Variants in HERC1 observed in about 807,000 individuals in gnomAD.
The protein encoded by HERC1 is probable E3 ubiquitin-protein ligase HERC1.
In HERC1, 160 loss-of-function variants were observed where a neutral mutation model predicts 554.3. The observed-to-expected ratio is 0.29, with a 90% CI of 0.25 to 0.33. The LOEUF (loss-of-function observed/expected upper bound fraction) is 0.33. Ranked by LOEUF, HERC1 falls within the 10% of genes least tolerant of loss-of-function variation. HERC1 has a pLI of 1.00. For synonymous variants in HERC1, 2,175 were observed against 2,131.7 expected (o/e 1.02, Z -0.56); for missense variants, 4,919 against 5,918.5 (o/e 0.83, Z 5.54).
At chr15:63,783,427 T>G in intron 1 of HERC1, among the ~76,000 whole-genome samples, 1 of 152,350 alleles carries the variant, frequency 6.6e-6, no homozygotes. Context: ...AAGTATTTTT[T>G]AATTAAGGTA....
Position 63,694,646 on chromosome 15 carries a change from A to G in HERC1, c.5243-97T>C. On this transcript the variant is annotated intron_variant, in intron 28 of 77. Coordinates refer to ENST00000443617, the MANE Select transcript of HERC1 (RefSeq NM_003922.4). The surrounding 1 kb of genome is among the most constrained non-coding windows in gnomAD (Gnocchi z 4.3). ...TAAAATATTAATAACATGAAACACT[A>G]AATTATTTATTCTTTACCTATAAGT... The G allele has an allele frequency of 6.3e-6, 9 of 1,435,184 alleles. No individual in the cohort carries two copies. Among genetic ancestry groups the G allele is most frequent in the South Asian group, 1.2e-5 (1 of 82,584 alleles). The allele number at this position is 1,435,184 out of a possible 1,614,324, so 88.9% of individuals were successfully genotyped here.
intron 48 of HERC1, 86 bp downstream of exon 48, chr15:63,658,458 A>G: frequency 8.6e-7 from 1 of 1,167,948 alleles, no homozygotes; most frequent in Non-Finnish European, 1.2e-6. Context: ...CTAAAATTCT[A>G]TCTCACCCTC....
chr15:63,810,311 TAC>T (rs1567150833), intron 1 of HERC1, among the ~76,000 whole-genome samples: 5 of 152,144 alleles, frequency 3.3e-5, no homozygotes, highest in Non-Finnish European at 4.4e-5. Context: ...ATGTGGTGTA[TAC>T]ACATACACTG....
intron 1 of HERC1, among the ~76,000 whole-genome samples, chr15:63,789,589 G>A (rs1596260910): frequency 1.3e-5 from 2 of 151,486 alleles, no homozygotes; most frequent in African/African-American, 2.4e-5. Flanking sequence ...CCCAAGGTCA[G>A]GAGTTCGAGA....
At chr15:63,673,479 C>A (rs781410597) in intron 38 of HERC1, among the ~76,000 whole-genome samples, 6 of 152,132 alleles carry the variant, frequency 3.9e-5, no homozygotes, top group Non-Finnish European at 8.8e-5. Context: ...TCCATGAAGG[C>A]AAGGGACTTT....
At chr15:63,616,806 T>A in intron 74 of HERC1, 124 bp from the exon 75 acceptor site, 1 of 842,828 alleles carries the variant, frequency 1.2e-6, no homozygotes, top group Non-Finnish European at 1.8e-6. Context: ...ATTAGCCACA[T>A]AAGGCTAAAG....
chr15:63,627,760 C>G (rs889509985), intron 70 of HERC1, among the ~76,000 whole-genome samples: 3 of 151,684 alleles, frequency 2.0e-5, no homozygotes, highest in African/African-American at 7.3e-5. Context: ...ACAGCTACAT[C>G]TGGAAGGAAT....
rs370454719 is a variant in HERC1 at position 63,616,418 on chromosome 15, G to T, written c.13941+12C>A. 1.9e-6 allele frequency: 3 copies of T among 1,609,468 alleles called. No homozygotes were observed. The African/African-American group carries it at 4.0e-5, about 22-fold the overall frequency. On this transcript the variant is annotated intron_variant, in intron 75 of 77. Coordinates refer to ENST00000443617, the MANE Select transcript of HERC1 (RefSeq NM_003922.4). ...TCAACACCAGTAGAAACATAGACTGGCCAGGATTTACCTCATGGAAACTCT... is the reference window on the plus strand; with the variant it reads ...TCAACACCAGTAGAAACATAGACTGTCCAGGATTTACCTCATGGAAACTCT...
chr15:63,705,060 A>G (rs939586587), intron 25 of HERC1, among the ~76,000 whole-genome samples: 6 of 151,660 alleles, frequency 4.0e-5, no homozygotes, highest in Non-Finnish European at 7.4e-5. Context: ...TTTTTAAGAA[A>G]CTCAGCAGCT....
intron 1 of HERC1, among the ~76,000 whole-genome samples, chr15:63,804,575 A>C (rs2077081287): frequency 6.6e-6 from 1 of 152,072 alleles, no homozygotes; most frequent in Non-Finnish European, 1.5e-5. Context: ...AACAAGAGCA[A>C]AACTGTCTCA....
chr15:63,637,363 C>T lies in HERC1; in HGVS notation c.12232+142G>A, dbSNP rs2068827409. On this transcript the variant is annotated intron_variant, in intron 64 of 77. Coordinates refer to ENST00000443617, the MANE Select transcript of HERC1 (RefSeq NM_003922.4). ...AAAATATGGAAATTAAGGCTGCACA[C>T]ATGCCTAAATAAGGATTTAAATGTA... 1.5e-5 allele frequency: 10 copies of T among 682,596 alleles called. No homozygotes were observed. The South Asian group carries it at 1.7e-4, about 12-fold the overall frequency. 42.3% of individuals were successfully genotyped at this position (682,596 alleles called of 1,614,324 possible).
At chr15:63,750,380 TG>T (rs2075194302) in intron 8 of HERC1, among the ~76,000 whole-genome samples, 1 of 152,056 alleles carries the variant, frequency 6.6e-6, no homozygotes, top group Non-Finnish European at 1.5e-5. Context: ...TTAAGATGCT[TG>T]GGGAAAGGGT....
chr15:63,666,362 C>T lies in HERC1; in HGVS notation c.8317G>A (p.Ala2773Thr). ...ATATAAAAACTTATCCTACCTGTAG[C>T]TTCCATGGCTTTGGCAATCTGCCGA... ...SLRQIAKAMEATGARGEADAQ... is the reference protein window; with the variant it reads ...SLRQIAKAMETTGARGEADAQ... The change falls in exon 41 of 78, where the codon GCT becomes ACT. Residue 2773 changes from alanine (A) to threonine (T), a missense_variant. Transcript: ENST00000443617. 1 of 1,608,590 alleles carries T rather than the reference C, an allele frequency of 6.2e-7. No individual in the cohort carries two copies. The highest frequency in any genetic ancestry group is 8.5e-7 in the Non-Finnish European group (1 of 1,175,246).
At chr15:63,637,029 A>C (rs1036061789) in intron 64 of HERC1, 2 of 437,374 alleles carry the variant, frequency 4.6e-6, no homozygotes, top group African/African-American at 4.1e-5. Context: ...CTTCAGAGTC[A>C]TTATGAGTTC....
intron 60 of HERC1, 120 bp from the exon 61 acceptor site, chr15:63,640,565 C>T (rs2152838351): frequency 1.2e-6 from 1 of 832,956 alleles, no homozygotes. Flanking sequence ...AAGCTTTTTG[C>T]TAGGAAATAA....
At position 63,756,214 on chromosome 15, in the gene HERC1, T is replaced by C. The variant is rs775607936; in HGVS notation, c.1533+223A>G. The stretch of plus-strand genomic sequence containing the variant: ...ACTCTCAGTTTGCTTATCTGTGAAA[T>C]AGGGATAATAACTACCTTACAAGAA... On this transcript the variant is annotated intron_variant, in intron 5 of 77. Transcript: ENST00000443617. This position sits in a 1 kb window ranked among gnomAD's most constrained non-coding sequence, Gnocchi z 5.0. 1.5e-4 allele frequency among the ~76,000 whole-genome samples: 23 copies of C among 152,160 alleles called. No individual in the cohort carries two copies. Among genetic ancestry groups the C allele is most frequent in the Admixed American group, 1.1e-3 (17 of 15,268 alleles).
chr15:63,613,068 A>G (rs566706302), intron 76 of HERC1, among the ~76,000 whole-genome samples: 1 of 152,362 alleles, frequency 6.6e-6, no homozygotes, highest in Admixed American at 6.5e-5. Flanking sequence ...GAAAAGTACA[A>G]AGAAGAAAGT....
At chr15:63,744,991 C>T (rs778500451) in intron 12 of HERC1, among the ~76,000 whole-genome samples, 2 of 152,098 alleles carry the variant, frequency 1.3e-5, no homozygotes, top group Non-Finnish European at 2.9e-5. Flanking sequence ...GTACTGAGTC[C>T]TTTTCTTCAA....
chr15:63,782,998 T>C (rs1446520638), intron 1 of HERC1, among the ~76,000 whole-genome samples: 2 of 152,350 alleles, frequency 1.3e-5, no homozygotes, highest in East Asian at 1.9e-4. Context: ...TTGCTTCTTA[T>C]GGATGAGCAA....
Sources: allele counts gnomAD v4.1 joint callset (sites outside exome capture counted in the v4.1 genomes callset), GRCh38; gene constraint gnomAD v4.1.1; non-coding constraint Gnocchi (gnomAD v3.1); transcripts MANE v1.5; gene names NCBI Gene and HGNC (gene_info 2026-07-23, HGNC 2026-07-21).